CCNY: variants seen among roughly 807,000 people sequenced by gnomAD.
CCNY encodes the protein cyclin Y.
In CCNY, 19 loss-of-function variants were observed where a neutral mutation model predicts 42.8. The observed-to-expected ratio is 0.44, with a 90% confidence interval of 0.31 to 0.65. The LOEUF is 0.65. Ranked by LOEUF, CCNY falls within the 30% of genes least tolerant of loss-of-function variation. CCNY has a pLI of 0.07. For missense variants in CCNY, 370 were observed against 437.3 expected (o/e 0.85, Z 1.37); for synonymous variants, 165 against 162.7 (o/e 1.01, Z -0.11).
At chr10:35,309,838 C>T (rs909661587) in intron 3 of CCNY, among the ~76,000 whole-genome samples, 26 of 152,028 alleles carry the variant, frequency 1.7e-4, no homozygotes, top group Non-Finnish European at 2.4e-4. Context: ...CTCGCTCTGT[C>T]GCCCAGGCTG....
chr10:35,546,832 T>C (rs956236896), intron 7 of CCNY, among the ~76,000 whole-genome samples: 1 of 152,230 alleles, frequency 6.6e-6, no homozygotes, highest in African/African-American at 2.4e-5. Flanking sequence ...CTAAGGTAAG[T>C]TAAAAGTCAG....
At chr10:35,293,382 A>C (rs2135065618) in intron 3 of CCNY, among the ~76,000 whole-genome samples, 1 of 152,266 alleles carries the variant, frequency 6.6e-6, no homozygotes, top group South Asian at 2.1e-4. Context: ...GATAGTTTTG[A>C]AATTGGGAGG....
intron 1 of CCNY, among the ~76,000 whole-genome samples, chr10:35,392,711 G>A (rs1243749266): frequency 1.3e-5 from 2 of 152,204 alleles, no homozygotes; most frequent in East Asian, 3.9e-4. Context: ...CCTCAGAGCT[G>A]TACAGTCACC....
At chr10:35,317,273 G>A (rs1231044091) in intron 3 of CCNY, among the ~76,000 whole-genome samples, 6 of 152,176 alleles carry the variant, frequency 3.9e-5, no homozygotes, top group Admixed American at 2.0e-4. Context: ...TTACAGGCAT[G>A]AGCCACTGTA....
intron 1 of CCNY, among the ~76,000 whole-genome samples, chr10:35,404,111 G>A (rs916603212): frequency 6.6e-6 from 1 of 152,256 alleles, no homozygotes; most frequent in Non-Finnish European, 1.5e-5. Context: ...TGTGTCAGAT[G>A]TGAGGAAGAA....
At chr10:35,549,512 G>A (rs1468321132) in intron 7 of CCNY, among the ~76,000 whole-genome samples, 3 of 148,774 alleles carry the variant, frequency 2.0e-5, no homozygotes. Context: ...TACAGTGCTC[G>A]TGACCCTGCG....
chr10:35,391,060 G>A (rs1444154236), intron 1 of CCNY, among the ~76,000 whole-genome samples: 13 of 152,164 alleles, frequency 8.5e-5, no homozygotes, highest in Admixed American at 8.5e-4. Context: ...TGAAATGCTT[G>A]TTCCCCAGTG....
intron 8 of CCNY, among the ~76,000 whole-genome samples, chr10:35,553,693 G>T (rs1159879406): frequency 6.6e-6 from 1 of 152,194 alleles, no homozygotes; most frequent in Non-Finnish European, 1.5e-5. Context: ...GGTCAGCCTC[G>T]TGTCCCTGGG....
At chr10:35,552,415 T>G (rs1028519775) in intron 7 of CCNY, among the ~76,000 whole-genome samples, 7 of 152,180 alleles carry the variant, frequency 4.6e-5, no homozygotes, top group African/African-American at 1.7e-4. Flanking sequence ...GGGAAGATGA[T>G]AAAGTTCTGG....
chr10:35,372,597 G>A (rs1281349093), intron 1 of CCNY, among the ~76,000 whole-genome samples: 3 of 152,154 alleles, frequency 2.0e-5, no homozygotes, highest in African/African-American at 7.2e-5. Flanking sequence ...ACTCTGGCTT[G>A]TACTTTTGCT....
At chr10:35,332,725 C>T (rs756678217), upstream of CCNY, among the ~76,000 whole-genome samples, 5 of 152,234 alleles carry the variant, frequency 3.3e-5, no homozygotes, top group South Asian at 1.0e-3. Flanking sequence ...CTGCCTCAGC[C>T]TCCCGAGCAG....
intron 7 of CCNY, among the ~76,000 whole-genome samples, chr10:35,550,190 A>C (rs918485183): frequency 2.0e-4 from 22 of 112,260 alleles, no homozygotes; most frequent in African/African-American, 6.4e-4. Context: ...TGCTCATGAC[A>C]CATGACCCTA....
At chr10:35,299,531 T>C (rs1835509131) in intron 3 of CCNY, among the ~76,000 whole-genome samples, 1 of 152,248 alleles carries the variant, frequency 6.6e-6, no homozygotes, top group South Asian at 2.1e-4. Flanking sequence ...TCCTTATGTC[T>C]GGTAATATTT....
intron 3 of CCNY, among the ~76,000 whole-genome samples, chr10:35,283,060 T>G (rs1437570452): frequency 6.6e-6 from 1 of 152,172 alleles, no homozygotes; most frequent in Non-Finnish European, 1.5e-5. Flanking sequence ...GTACAGTTCT[T>G]GAGTCTGTAG....
At chr10:35,298,486 C>T (rs1452933812) in intron 3 of CCNY, among the ~76,000 whole-genome samples, 1 of 152,088 alleles carries the variant, frequency 6.6e-6, no homozygotes, top group African/African-American at 2.4e-5. Flanking sequence ...GTACTTTGCT[C>T]ATTTGTATTG....
At chr10:35,313,114 G>A (rs537826503) in intron 3 of CCNY, among the ~76,000 whole-genome samples, 2 of 152,118 alleles carry the variant, frequency 1.3e-5, no homozygotes, top group South Asian at 4.1e-4. Context: ...CTAGAGTCCA[G>A]GGATGATGAT....
chr10:35,474,246 G>C (rs1839455071), intron 1 of CCNY, among the ~76,000 whole-genome samples: 1 of 152,228 alleles, frequency 6.6e-6, no homozygotes, highest in South Asian at 2.1e-4. Flanking sequence ...GCCCACGCTT[G>C]CTTAGGTAAA....
intron 3 of CCNY, among the ~76,000 whole-genome samples, chr10:35,271,498 A>G (rs1325643820): frequency 2.0e-5 from 3 of 152,158 alleles, no homozygotes; most frequent in African/African-American, 7.2e-5. Context: ...ATTCTGAAAT[A>G]CCCGAGCATT....
chr10:35,358,873 G>A (rs375417214), intron 1 of CCNY, among the ~76,000 whole-genome samples: 1 of 152,196 alleles, frequency 6.6e-6, no homozygotes, highest in Non-Finnish European at 1.5e-5. Context: ...TTGAGGCCAG[G>A]TGAAGGGATG....
Sources: gnomAD v4.1 joint callset for allele counts (sites outside exome capture counted in the v4.1 genomes callset) on GRCh38, gnomAD v4.1.1 for gene constraint, MANE v1.5 for transcripts, NCBI Gene and HGNC (gene_info 2026-07-23, HGNC 2026-07-21) for gene names.